The following PLPPR4 variants were observed in gnomAD, a reference collection of about 807,000 sequenced individuals.
PLPPR4 encodes phospholipid phosphatase related 4.
A neutral mutation model predicts 56.6 loss-of-function variants in PLPPR4; 24 were observed. That is an observed-to-expected ratio of 0.42 (90% CI 0.31 to 0.60). PLPPR4 has a LOEUF of 0.60. PLPPR4 is among the 20% of genes least tolerant of loss of function. The pLI, the probability that PLPPR4 is intolerant of heterozygous loss-of-function variation, is 0.13. For missense variants in PLPPR4, 654 were observed against 885.8 expected (o/e 0.74, Z 3.32); for synonymous variants, 326 against 328.1 (o/e 0.99, Z 0.07).
intron 1 of PLPPR4, among the ~76,000 whole-genome samples, chr1:99,271,377 T>C (rs114302008): frequency 1.0e-3 from 155 of 152,290 alleles, no homozygotes; most frequent in African/African-American, 3.2e-3. Context: ...ATCTTGCTCT[T>C]GCATTATGAC....
intron 1 of PLPPR4, among the ~76,000 whole-genome samples, chr1:99,278,214 T>G (rs1238367070): frequency 6.6e-6 from 1 of 152,174 alleles, no homozygotes; most frequent in Non-Finnish European, 1.5e-5. Flanking sequence ...GAAGCCAGAT[T>G]TCTTGAGTTT....
At chr1:99,297,531 A>G (rs1659772910) in intron 3 of PLPPR4, among the ~76,000 whole-genome samples, 1 of 152,126 alleles carries the variant, frequency 6.6e-6, no homozygotes, top group African/African-American at 2.4e-5. Context: ...AGTCACACAC[A>G]ATACATCACA....
chr1:99,271,943 T>TGTGTGTGTGTGAGA (rs140869914), intron 1 of PLPPR4, among the ~76,000 whole-genome samples: 1 of 126,970 alleles, frequency 7.9e-6, no homozygotes, highest in African/African-American at 2.9e-5. Flanking sequence ...TGTGTGTGTG[T>TGTGTGTGTGTGAGA]GATGGAGATC....
In PLPPR4 at chr1:99,306,139, C is replaced by T; in HGVS notation, c.1277C>T (p.Pro426Leu). The T allele has an allele frequency of 6.2e-7, 1 of 1,614,076 alleles. No homozygotes were observed. The highest frequency in any genetic ancestry group is 1.7e-5 in the Admixed American group (1 of 60,014). ...VIEPEPGQSP[P>L]RSIEMRSSSE... ...GAGCCTGAGCCTGGGCAGTCACCACCCAGATCCATAGAAATGAGGTCAAGC... is the reference window on the plus strand; with the variant it reads ...GAGCCTGAGCCTGGGCAGTCACCACTCAGATCCATAGAAATGAGGTCAAGC... The change falls in exon 7 of 7, where the codon CCC becomes CTC. Residue 426 changes from proline to leucine, a missense_variant. Coordinates refer to ENST00000370185, the MANE Select transcript of PLPPR4 (RefSeq NM_014839.5). The surrounding 1 kb of genome is among the most constrained non-coding windows in gnomAD (Gnocchi z 4.0).
chr1:99,289,525 T>G (rs1659562615), intron 2 of PLPPR4, among the ~76,000 whole-genome samples: 2 of 152,086 alleles, frequency 1.3e-5, no homozygotes, highest in South Asian at 4.1e-4. Context: ...ACTAGAACTA[T>G]TAATAATGTA....
At chr1:99,296,262 A>G (rs576016864) in intron 2 of PLPPR4, among the ~76,000 whole-genome samples, 4 of 152,322 alleles carry the variant, frequency 2.6e-5, no homozygotes, top group Admixed American at 2.0e-4. Context: ...ATACAATGGC[A>G]TAAGATTAAA....
At chr1:99,278,395 ATAAAG>A (rs1405590666) in intron 1 of PLPPR4, among the ~76,000 whole-genome samples, 1 of 152,174 alleles carries the variant, frequency 6.6e-6, no homozygotes, top group Non-Finnish European at 1.5e-5. Context: ...ATTCAAACAT[ATAAAG>A]TACTTTAAAT....
chr1:99,295,953 C>T (rs891737962), intron 2 of PLPPR4, among the ~76,000 whole-genome samples: 9 of 152,180 alleles, frequency 5.9e-5, no homozygotes, highest in Non-Finnish European at 1.3e-4. Context: ...ATTTAGGGTA[C>T]AGTAAGAGGT....
At chr1:99,287,536 C>T (rs1659496387) in intron 1 of PLPPR4, among the ~76,000 whole-genome samples, 1 of 152,216 alleles carries the variant, frequency 6.6e-6, no homozygotes, top group Admixed American at 6.5e-5. Flanking sequence ...TAGCTCTCCA[C>T]AGCCTCACTA....
chr1:99,293,011 G>A (rs1659660488), intron 2 of PLPPR4, among the ~76,000 whole-genome samples: 1 of 152,082 alleles, frequency 6.6e-6, no homozygotes, highest in Non-Finnish European at 1.5e-5. Flanking sequence ...GGTGGCATAA[G>A]CCTGTTCCAA....
chr1:99,274,642 C>T (rs1659138304), intron 1 of PLPPR4, among the ~76,000 whole-genome samples: 1 of 152,120 alleles, frequency 6.6e-6, no homozygotes, highest in Admixed American at 6.5e-5. Flanking sequence ...TATGCACACA[C>T]TCACAAAATA....
intron 1 of PLPPR4, among the ~76,000 whole-genome samples, chr1:99,282,380 C>T (rs552140014): frequency 5.3e-5 from 8 of 152,282 alleles, no homozygotes; most frequent in Non-Finnish European, 1.2e-4. Flanking sequence ...TGGATTTCCG[C>T]CATTGCCATG....
chr1:99,293,992 A>T (rs1440297773), intron 2 of PLPPR4, among the ~76,000 whole-genome samples: 2 of 152,090 alleles, frequency 1.3e-5, no homozygotes, highest in Non-Finnish European at 2.9e-5. Flanking sequence ...TTGTGAAAAG[A>T]TACTTGTTGT....
At position 99,306,064 on chromosome 1, in the gene PLPPR4, C is replaced by T. The variant is rs1294454406; in HGVS notation, c.1202C>T (p.Thr401Ile). ...MDSARSKQLL[T>I]QWKNKNESRK... ...TCCGCTCGATCAAAGCAGCTCCTCACCCAGTGGAAGAATAAGAATGAAAGT... is the reference window on the plus strand; with the variant it reads ...TCCGCTCGATCAAAGCAGCTCCTCATCCAGTGGAAGAATAAGAATGAAAGT... Residue 401 changes from threonine (T) to isoleucine (I), a missense_variant, in exon 7 of 7, where the codon ACC (threonine) becomes ATC (isoleucine). Thr to Ile is a moderately conservative substitution (Grantham distance 89). Transcript: ENST00000370185. This position sits in a 1 kb window ranked among gnomAD's most constrained non-coding sequence, Gnocchi z 4.0. 1 of 1,614,132 alleles carries T rather than the reference C, an allele frequency of 6.2e-7. No homozygotes were observed. The highest frequency in any genetic ancestry group is 2.2e-5 in the East Asian group (1 of 44,870).
chr1:99,303,908 A>G (rs1277506990), intron 6 of PLPPR4, among the ~76,000 whole-genome samples: 1 of 152,004 alleles, frequency 6.6e-6, no homozygotes, highest in African/African-American at 2.4e-5. Flanking sequence ...TGGAAATGCC[A>G]CTCTCTAGTT....
chr1:99,300,723 A>G (rs1659866299), intron 4 of PLPPR4, among the ~76,000 whole-genome samples, 186 bp from the exon 5 acceptor site: 1 of 152,062 alleles, frequency 6.6e-6, no homozygotes, highest in South Asian at 2.1e-4. Context: ...TGTTAATATT[A>G]ATGGTGATTA....
chr1:99,293,291 T>C (rs577194329), intron 2 of PLPPR4, among the ~76,000 whole-genome samples: 2 of 152,340 alleles, frequency 1.3e-5, no homozygotes, highest in East Asian at 3.9e-4. Context: ...TGTTTAAAAA[T>C]AACTTGTCTT....
intron 1 of PLPPR4, among the ~76,000 whole-genome samples, chr1:99,271,129 T>G (rs1049172794): frequency 6.6e-6 from 1 of 152,238 alleles, no homozygotes; most frequent in African/African-American, 2.4e-5. Flanking sequence ...TCTGCCAATT[T>G]CAAGGAGATT....
chr1:99,288,098 C>T lies in PLPPR4; in HGVS notation c.212C>T (p.Ala71Val), dbSNP rs766060129. The T allele has an allele frequency of 6.8e-6, 11 of 1,613,660 alleles. No individual in the cohort carries two copies. The highest frequency in any genetic ancestry group is 5.5e-5 in the South Asian group (5 of 91,022). Residue 71 changes from alanine (A) to valine (V), a missense_variant, in exon 2 of 7, where the codon GCA (alanine) becomes GTA (valine). Physicochemically the swap from Ala to Val is moderately conservative, Grantham distance 64. Transcript: ENST00000370185. ...SMPYIEPTQE[A>V]IPFLMLLSLA... Reference sequence around the variant, plus strand: ...CCGTACATTGAACCAACCCAGGAGGCAATTCCATTCCTCATGTTGCTTAGC... The same window carrying T: ...CCGTACATTGAACCAACCCAGGAGGTAATTCCATTCCTCATGTTGCTTAGC...
Sources: gnomAD v4.1 joint callset for allele counts (sites outside exome capture counted in the v4.1 genomes callset) on GRCh38, gnomAD v4.1.1 for gene constraint, Gnocchi (gnomAD v3.1) non-coding constraint, MANE v1.5 for transcripts, NCBI Gene and HGNC (gene_info 2026-07-23, HGNC 2026-07-21) for gene names.